The following RAP1GAP variants were observed in gnomAD, a reference collection of about 807,000 sequenced individuals.
The protein encoded by RAP1GAP is rap1 GTPase-activating protein 1.
Under a neutral mutation model 87.2 loss-of-function variants are expected in RAP1GAP, and 35 were observed. The ratio of observed to expected loss-of-function variants is 0.40; its 90% CI spans 0.31 to 0.53. The LOEUF (loss-of-function observed/expected upper bound fraction) is 0.53, where lower values mean the gene tolerates loss of function less well. RAP1GAP is among the 20% of genes least tolerant of loss of function. The probability of loss-of-function intolerance (pLI) is 0.48; values close to 1 mark genes in which losing one functional copy is unlikely to be tolerated. For synonymous variants in RAP1GAP, 375 were observed against 363.9 expected (o/e 1.03, Z -0.35); for missense variants, 734 against 898.9 (o/e 0.82, Z 2.35).
intron 1 of RAP1GAP, among the ~76,000 whole-genome samples, chr1:21,652,200 G>T (rs1241005281): frequency 1.3e-5 from 2 of 150,938 alleles, no homozygotes; most frequent in Non-Finnish European, 3.0e-5. Context: ...GCTCCTCGGC[G>T]GATCCGTCCC....
At position 21,614,054 on chromosome 1, in the gene RAP1GAP, G is replaced by T; in HGVS notation, c.327C>A (p.Leu109=). The change falls in exon 8 of 25, where the codon CTC becomes CTA. Residue 109 remains leucine, a synonymous_variant. Coordinates refer to ENST00000374765, the MANE Select transcript of RAP1GAP (RefSeq NM_002885.4). ...ACTTGAGTGAGAAGACAAGGTGGCC[G>T]AGGGCAGCGTCCAGTGAGTAGTAAT... ...HFNYYSLDAA[L]GHLVFSLKYD... 6.2e-7 allele frequency: 1 copy of T among 1,611,966 alleles called. No individual in the cohort carries two copies. The highest frequency in any genetic ancestry group is 8.5e-7 in the Non-Finnish European group (1 of 1,178,648).
chr1:21,627,120 G>A (rs1021754684), intron 2 of RAP1GAP, among the ~76,000 whole-genome samples: 5 of 152,232 alleles, frequency 3.3e-5, no homozygotes, highest in African/African-American at 1.2e-4. Context: ...AAAGCCTGCC[G>A]AGGCCACCTC....
intron 7 of RAP1GAP, 146 bp downstream of exon 7, chr1:21,617,160 G>A: frequency 2.3e-6 from 2 of 865,480 alleles, no homozygotes; most frequent in Non-Finnish European, 1.7e-6. Flanking sequence ...GACTGGGAGT[G>A]TGTGTGGTGG....
intron 1 of RAP1GAP, among the ~76,000 whole-genome samples, chr1:21,667,239 A>G (rs867114283): frequency 6.6e-6 from 1 of 152,226 alleles, no homozygotes; most frequent in Admixed American, 6.5e-5. Context: ...GGGCAGGGGC[A>G]GGGCCAGGTG....
At chr1:21,623,605 G>A (rs1243188118) in intron 3 of RAP1GAP, among the ~76,000 whole-genome samples, 2 of 152,258 alleles carry the variant, frequency 1.3e-5, no homozygotes, top group African/African-American at 4.8e-5. Context: ...CTCCTGGAAG[G>A]AAAGCACTGT....
At chr1:21,660,713 G>A (rs545961023) in intron 1 of RAP1GAP, among the ~76,000 whole-genome samples, 2 of 152,272 alleles carry the variant, frequency 1.3e-5, no homozygotes, top group African/African-American at 4.8e-5. Flanking sequence ...TTAGCTCACA[G>A]AGTGATGGCG....
intron 1 of RAP1GAP, among the ~76,000 whole-genome samples, chr1:21,662,077 C>A (rs1418464504): frequency 6.6e-6 from 1 of 152,200 alleles, no homozygotes; most frequent in African/African-American, 2.4e-5. Context: ...ATACAGACCT[C>A]TCAGGACCAG....
At chr1:21,659,284 A>G (rs1303506872) in intron 1 of RAP1GAP, among the ~76,000 whole-genome samples, 1 of 152,218 alleles carries the variant, frequency 6.6e-6, no homozygotes. Context: ...TGGCCGTCAT[A>G]AGAACTGCAG....
At chr1:21,636,820 A>G (rs1375757130) in intron 2 of RAP1GAP, among the ~76,000 whole-genome samples, 1 of 151,034 alleles carries the variant, frequency 6.6e-6, no homozygotes, top group Non-Finnish European at 1.5e-5. Context: ...ATAGAAAGAA[A>G]GAAAGAGAGA....
intron 1 of RAP1GAP, among the ~76,000 whole-genome samples, chr1:21,664,064 C>A (rs1015100703): frequency 2.0e-5 from 3 of 152,218 alleles, no homozygotes; most frequent in Non-Finnish European, 4.4e-5. Context: ...GGCCGGGCGG[C>A]TTGCCTGAGC....
intron 5 of RAP1GAP, 96 bp from the exon 6 acceptor site, chr1:21,618,068 G>A (rs1047462930): frequency 1.4e-6 from 2 of 1,459,564 alleles, no homozygotes; most frequent in South Asian, 2.3e-5. Context: ...GGCTGAGAGT[G>A]CGGATGGGGC....
chr1:21,614,372 G>C (rs938762334), intron 7 of RAP1GAP, among the ~76,000 whole-genome samples: 1 of 152,204 alleles, frequency 6.6e-6, no homozygotes, highest in Non-Finnish European at 1.5e-5. Flanking sequence ...GGACTGAAAG[G>C]GATGAAGTGC....
intron 2 of RAP1GAP, among the ~76,000 whole-genome samples, chr1:21,639,006 A>C (rs1030611196): frequency 2.0e-5 from 3 of 152,254 alleles, no homozygotes; most frequent in Non-Finnish European, 4.4e-5. Context: ...GGGTCAGGGA[A>C]GAGCAGAGGC....
chr1:21,607,106 A>G (rs2075185537), intron 17 of RAP1GAP, among the ~76,000 whole-genome samples: 1 of 152,152 alleles, frequency 6.6e-6, no homozygotes, highest in African/African-American at 2.4e-5. Flanking sequence ...GTTGAGGGTG[A>G]GGTGTGACCA....
Position 21,602,823 on chromosome 1 carries a change from G to A in RAP1GAP, c.1519C>T (p.Gln507Ter), listed in dbSNP as rs931476902. 6.2e-7 allele frequency: 1 copy of A among 1,609,498 alleles called. No individual in the cohort carries two copies. The highest frequency in any genetic ancestry group is 8.5e-7 in the Non-Finnish European group (1 of 1,179,552). Residue 507 changes from glutamine (Q) to a stop codon, truncating the protein, a stop_gained, in exon 19 of 25, where the codon CAG becomes TAG. Coordinates refer to ENST00000374765, the MANE Select transcript of RAP1GAP (RefSeq NM_002885.4). LOFTEE classifies it high-confidence loss of function. ...ACCCACCTCTTCTCCTGCACCTCCT[G>A]TATGTTCTCGATGCCAATGGCGCTG... is the stretch of plus-strand genomic sequence containing the variant. ...RSSAIGIENI[Q>*]EVQEKRESPP...
rs146160732 is a variant in RAP1GAP, at chr1:21,650,586, C to A, written c.-148-790G>T. Among the ~76,000 whole-genome samples, 333 of 152,314 alleles carry A rather than the reference C, an allele frequency of 2.2e-3. 6 individuals are homozygous for A. Among genetic ancestry groups the A allele is most frequent in the East Asian group, 0.022 (112 of 5,166 alleles). On this transcript the variant is annotated intron_variant, in intron 1 of 24. Transcript: ENST00000374765. The stretch of plus-strand genomic sequence containing the variant: ...GAGGAGGGAGCCCAGCCCAACTCTG[C>A]CAGCAAGAGGACGTCCTCCGCAGGG...
In RAP1GAP at chr1:21,608,871, T is replaced by G. The variant is rs1177757196; in HGVS notation, c.1137A>C (p.Ala379=). ...LINAEYACYK[A]EKFAKLEERT... Reference sequence around the variant, plus strand: ...TCACCTCCAGTTTGGCAAACTTCTCTGCCTTGTAGCAGGCATATTCAGCAT... The same window carrying G: ...TCACCTCCAGTTTGGCAAACTTCTCGGCCTTGTAGCAGGCATATTCAGCAT... Residue 379 remains alanine (A), a synonymous_variant, in exon 16 of 25, where the codon GCA becomes GCC. Transcript: ENST00000374765. 1 of 1,613,970 alleles carries G rather than the reference T, an allele frequency of 6.2e-7. No individual in the cohort carries two copies. The highest frequency in any genetic ancestry group is 1.3e-5 in the African/African-American group (1 of 74,934).
Position 21,603,082 on chromosome 1 carries a change from GAA to G in RAP1GAP, c.1429-171_1429-170del, listed in dbSNP as rs1189239595. 1.7e-6 allele frequency: 1 copy of G among 592,410 alleles called. No individual in the cohort carries two copies. The highest frequency in any genetic ancestry group is 1.9e-5 in the African/African-American group (1 of 53,656). The allele number at this position is 592,410 out of a possible 1,614,324, so 36.7% of individuals were successfully genotyped here. On this transcript the variant is annotated intron_variant, in intron 18 of 24. Transcript: ENST00000374765. This position sits in a 1 kb window ranked among gnomAD's most constrained non-coding sequence, Gnocchi z 6.0. ...AGACAGCCTCCCAGTTTACGAAAGG[GAA>G]ACAGTCCCCAGGAGGGCAAGGGGCT...
chr1:21,620,937 T>G (rs1401597617), intron 3 of RAP1GAP, among the ~76,000 whole-genome samples: 1 of 152,114 alleles, frequency 6.6e-6, no homozygotes, highest in African/African-American at 2.4e-5. Context: ...AAAGTCCCAC[T>G]GCACCACGTA....
Sources: gnomAD v4.1 joint callset for allele counts (sites outside exome capture counted in the v4.1 genomes callset) on GRCh38, gnomAD v4.1.1 for gene constraint, Gnocchi (gnomAD v3.1) non-coding constraint, MANE v1.5 for transcripts, NCBI Gene and HGNC (gene_info 2026-07-23, HGNC 2026-07-21) for gene names.